ERN1: variants seen among roughly 807,000 people sequenced by gnomAD.
The protein encoded by ERN1 is endoplasmic reticulum to nucleus signaling 1.
A neutral mutation model predicts 113.1 loss-of-function variants in ERN1; 39 were observed. The ratio of observed to expected loss-of-function variants is 0.34; its 90% CI spans 0.27 to 0.45. ERN1 has a LOEUF of 0.45. Ranked by LOEUF, ERN1 falls within the 20% of genes least tolerant of loss-of-function variation. The pLI, the probability that ERN1 is intolerant of heterozygous loss-of-function variation, is 1.00. For synonymous variants in ERN1, 507 were observed against 515.9 expected (o/e 0.98, Z 0.23); for missense variants, 976 against 1,274.8 (o/e 0.77, Z 3.57).
chr17:64,064,516 G>T (rs962510167), intron 9 of ERN1, among the ~76,000 whole-genome samples: 1 of 152,236 alleles, frequency 6.6e-6, no homozygotes, highest in Non-Finnish European at 1.5e-5. Flanking sequence ...CCAGCCACAC[G>T]CCCAGTGCTG....
At chr17:64,102,749 T>A in intron 1 of ERN1, 1 of 985,396 alleles carries the variant, frequency 1.0e-6, no homozygotes, top group East Asian at 1.1e-4. Flanking sequence ...TCCTCAGTGC[T>A]CACTTTTCTC....
rs1912921998 is a variant in ERN1 at position 64,057,833 on chromosome 17, C to G, written c.1367G>C (p.Gly456Ala). 18 of 1,613,914 alleles carry G rather than the reference C, an allele frequency of 1.1e-5. No homozygotes were observed. Among genetic ancestry groups the G allele is most frequent in the Non-Finnish European group, 1.4e-5 (17 of 1,179,882 alleles). The change falls in exon 12 of 22, where the codon GGC (glycine) becomes GCC (alanine). Residue 456 changes from glycine (G) to alanine (A), a missense_variant. Transcript: ENST00000433197. ...TIILSTFLLIGWVAFIITYPL... is the reference protein window; with the variant it reads ...TIILSTFLLIAWVAFIITYPL... ...ATAGGTGATGATGAAGGCCACCCAG[C>G]CAATCAGCAGGAAGGTGCTCAGGAT...
Position 64,127,583 on chromosome 17 carries a change from G to A in ERN1, c.54+2393C>T, listed in dbSNP as rs569826303. On this transcript the variant is annotated intron_variant, in intron 1 of 21. Transcript: ENST00000433197. ...AACCTGGCCAACATGGTGAAACCACGTCTCTACTAAAAATACAAAAATTAG... is the reference window on the plus strand; with the variant it reads ...AACCTGGCCAACATGGTGAAACCACATCTCTACTAAAAATACAAAAATTAG... Among the ~76,000 whole-genome samples, 37 of 152,036 alleles carry A rather than the reference G, an allele frequency of 2.4e-4. No individual in the cohort carries two copies. The East Asian group carries it at 6.6e-3, about 27-fold the overall frequency.
intron 1 of ERN1, among the ~76,000 whole-genome samples, chr17:64,117,998 A>T (rs1275572071): frequency 1.3e-5 from 2 of 152,206 alleles, no homozygotes; most frequent in East Asian, 3.8e-4. Flanking sequence ...AAATAAATGG[A>T]TGAACAGATG....
At chr17:64,089,318 C>CA (rs34094164) in intron 2 of ERN1, among the ~76,000 whole-genome samples, 3,595 of 24,112 alleles carry the variant, frequency 0.15, 702 homozygotes, top group African/African-American at 0.18. Flanking sequence ...GAATCCATCT[C>CA]AAAAAAAAAA....
chr17:64,098,550 T>A, intron 1 of ERN1: 1 of 587,336 alleles, frequency 1.7e-6, no homozygotes, highest in East Asian at 4.2e-5. Flanking sequence ...CTTTCTGACT[T>A]CCTTCTCTTG....
Position 64,044,785 on chromosome 17 carries a change from A to G in ERN1, c.2721+75T>C, listed in dbSNP as rs196915. ...TGCCAGTACAGATAAAAGATTTATA[A>G]AGAATGGATGAAAGGAGGAAGGTGT... On this transcript the variant is annotated intron_variant, in intron 21 of 21. Transcript: ENST00000433197. The surrounding 1 kb of genome is among the most constrained non-coding windows in gnomAD (Gnocchi z 4.1). 0.99 allele frequency: 981,354 copies of G among 994,812 alleles called. 485,156 individuals are homozygous for G. Among genetic ancestry groups the G allele is most frequent in the East Asian group, 1 (38,544 of 38,544 alleles). The allele number at this position is 994,812 out of a possible 1,614,324, so 61.6% of individuals were successfully genotyped here.
chr17:64,091,754 C>G (rs73992923), intron 2 of ERN1, among the ~76,000 whole-genome samples: 7,465 of 152,010 alleles, frequency 0.049, 585 homozygotes, highest in African/African-American at 0.17. Context: ...GGAGGGAGCC[C>G]AGGGAGTTGG....
chr17:64,046,065 G>A (rs1912504182), intron 19 of ERN1, among the ~76,000 whole-genome samples: 1 of 152,308 alleles, frequency 6.6e-6, no homozygotes, highest in Non-Finnish European at 1.5e-5. Flanking sequence ...AGAGGGTCAG[G>A]AAGCACCCAA....
At chr17:64,108,370 C>A (rs1284928217) in intron 1 of ERN1, among the ~76,000 whole-genome samples, 1 of 152,116 alleles carries the variant, frequency 6.6e-6, no homozygotes, top group Non-Finnish European at 1.5e-5. Flanking sequence ...GTTGCTCTGC[C>A]ATCAACTTAC....
intron 2 of ERN1, among the ~76,000 whole-genome samples, chr17:64,092,307 C>T (rs1220097577): frequency 4.6e-5 from 7 of 151,988 alleles, no homozygotes; most frequent in Admixed American, 4.6e-4. Flanking sequence ...ACTGCTTGGC[C>T]GTGATTCTGT....
intron 1 of ERN1, among the ~76,000 whole-genome samples, chr17:64,126,074 A>G (rs546389675): frequency 5.8e-4 from 88 of 152,250 alleles, no homozygotes; most frequent in Admixed American, 1.6e-3. Flanking sequence ...GTAAAGATAG[A>G]AAGGAAAAAA....
chr17:64,053,051 T>C (rs1047981233), intron 16 of ERN1, 72 bp from the exon 17 acceptor site: 113 of 1,267,234 alleles, frequency 8.9e-5, no homozygotes, highest in Non-Finnish European at 1.2e-4. Flanking sequence ...GGGGAATGTG[T>C]CCTCGTCAGA....
At chr17:64,080,649 A>G (rs908410569) in intron 3 of ERN1, 126 bp downstream of exon 3, 17 of 832,204 alleles carry the variant, frequency 2.0e-5, no homozygotes, top group Non-Finnish European at 3.1e-5. Flanking sequence ...GTAAGACTTT[A>G]TATGTCACTC....
chr17:64,126,736 G>A (rs1052942724), intron 1 of ERN1, among the ~76,000 whole-genome samples: 1 of 152,036 alleles, frequency 6.6e-6, no homozygotes. Context: ...CGCCTATTAG[G>A]ATAATTAATG....
intron 2 of ERN1, among the ~76,000 whole-genome samples, chr17:64,082,893 G>A (rs1354066832): frequency 6.6e-6 from 1 of 152,014 alleles, no homozygotes; most frequent in Non-Finnish European, 1.5e-5. Flanking sequence ...TCCAGTAGGA[G>A]GGCCTTATGG....
chr17:64,053,406 A>C, intron 15 of ERN1, 35 bp from the exon 16 acceptor site: 2 of 1,496,852 alleles, frequency 1.3e-6, no homozygotes, highest in Non-Finnish European at 9.0e-7. Context: ...CACGGCACAC[A>C]GTCCTCAGGA....
intron 2 of ERN1, among the ~76,000 whole-genome samples, chr17:64,093,328 C>T (rs1406029168): frequency 6.6e-6 from 1 of 152,140 alleles, no homozygotes; most frequent in Non-Finnish European, 1.5e-5. Context: ...AGCTTGTATC[C>T]TCTCTTGTCT....
chr17:64,055,729 C>G lies in ERN1; in HGVS notation c.1618G>C (p.Gly540Arg). The G allele has an allele frequency of 1.2e-6, 2 of 1,611,032 alleles. No homozygotes were observed. Among genetic ancestry groups the G allele is most frequent in the Non-Finnish European group, 1.7e-6 (2 of 1,178,636 alleles). ...CTGCCAGCCTTGGAGGCAGAGCTGC[C>G]GGAGCAGAGCGAGTGGTTGGAGGCC... Reference protein sequence around the residue: ...PRASNHSLCSGSSASKAGSSP... With the variant: ...PRASNHSLCSRSSASKAGSSP... The change falls in exon 13 of 22, where the codon GGC becomes CGC. Residue 540 changes from glycine to arginine, a missense_variant. Physicochemically the swap from Gly to Arg is moderately radical, Grantham distance 125. Around this residue, in one of 5 missense-constraint regions of ERN1, gnomAD observed 112 missense variants for 106.2 expected, o/e 1.05. Transcript: ENST00000433197.
Sources: allele counts gnomAD v4.1 joint callset (sites outside exome capture counted in the v4.1 genomes callset), GRCh38; gene constraint gnomAD v4.1.1; regional missense constraint gnomAD v4.1.1; non-coding constraint Gnocchi (gnomAD v3.1); transcripts MANE v1.5; gene names NCBI Gene and HGNC (gene_info 2026-07-23, HGNC 2026-07-21).